MAML2: variants seen among roughly 807,000 people sequenced by gnomAD.
The protein encoded by MAML2 is mastermind-like protein 2.
MAML2 carries 22 observed loss-of-function variants against 96.1 expected under a neutral mutation model. The observed-to-expected ratio is 0.23, with a 90% confidence interval of 0.16 to 0.33. The LOEUF (loss-of-function observed/expected upper bound fraction) is 0.33. Among genes scored for constraint, MAML2 ranks in the 10% least tolerant of loss-of-function variants. The pLI, the probability that MAML2 is intolerant of heterozygous loss-of-function variation, is 1.00. For synonymous variants in MAML2, 561 were observed against 521.3 expected (o/e 1.08, Z -1.04); for missense variants, 1,367 against 1,392.4 (o/e 0.98, Z 0.29).
intron 2 of MAML2, among the ~76,000 whole-genome samples, chr11:96,082,531 TG>T (rs1441088856): frequency 6.6e-6 from 1 of 151,854 alleles, no homozygotes; most frequent in African/African-American, 2.4e-5. Context: ...GATCAGACAG[TG>T]GTAGGGCAAA....
At chr11:96,191,492 A>G (rs1425680071) in intron 1 of MAML2, among the ~76,000 whole-genome samples, 3 of 124,206 alleles carry the variant, frequency 2.4e-5, no homozygotes, top group Non-Finnish European at 5.3e-5. Context: ...AAAAAAAAAA[A>G]GGGCCGGGAG....
At chr11:96,008,649 T>C (rs773445514) in intron 2 of MAML2, among the ~76,000 whole-genome samples, 3 of 152,194 alleles carry the variant, frequency 2.0e-5, no homozygotes, top group Non-Finnish European at 4.4e-5. Flanking sequence ...AAAACAGCCC[T>C]CTTCTCCATA....
At chr11:96,249,466 GT>G (rs1162534285) in intron 1 of MAML2, among the ~76,000 whole-genome samples, 1 of 152,042 alleles carries the variant, frequency 6.6e-6, no homozygotes, top group African/African-American at 2.4e-5. Flanking sequence ...TAATAGGCAT[GT>G]CAAACTAAAA....
chr11:96,212,171 C>A (rs1861983792), intron 1 of MAML2, among the ~76,000 whole-genome samples: 1 of 142,380 alleles, frequency 7.0e-6, no homozygotes, highest in Non-Finnish European at 1.5e-5. Context: ...CTCGTAATCT[C>A]ATTTGTGGAT....
intron 1 of MAML2, among the ~76,000 whole-genome samples, chr11:96,248,483 A>G (rs1648252832): frequency 6.6e-6 from 1 of 152,114 alleles, no homozygotes; most frequent in African/African-American, 2.4e-5. Context: ...TTAATTGGAC[A>G]GGGCTACTTT....
At chr11:96,110,527 A>G (rs4753724) in intron 1 of MAML2, among the ~76,000 whole-genome samples, 105,419 of 152,046 alleles carry the variant, frequency 0.69, 36,847 homozygotes, top group East Asian at 0.95. Context: ...CTTCTGCAGT[A>G]GCTAAACAGG....
At chr11:96,057,773 A>G (rs1216654451) in intron 2 of MAML2, among the ~76,000 whole-genome samples, 1 of 152,224 alleles carries the variant, frequency 6.6e-6, no homozygotes, top group East Asian at 1.9e-4. Context: ...CTTAAAGTGC[A>G]TTTCATACTT....
intron 2 of MAML2, among the ~76,000 whole-genome samples, chr11:96,087,260 C>T (rs1859632220): frequency 2.0e-5 from 3 of 152,208 alleles, no homozygotes; most frequent in Non-Finnish European, 4.4e-5. Flanking sequence ...AATTATGATT[C>T]TTCAATACTA....
intron 2 of MAML2, among the ~76,000 whole-genome samples, chr11:96,075,861 T>A (rs771489273): frequency 3.9e-5 from 6 of 152,218 alleles, no homozygotes; most frequent in African/African-American, 7.2e-5. Context: ...CTCTTACTAA[T>A]CGGCATTCAG....
At chr11:96,178,181 A>G (rs189486343) in intron 1 of MAML2, among the ~76,000 whole-genome samples, 86 of 152,200 alleles carry the variant, frequency 5.7e-4, no homozygotes, top group African/African-American at 2.1e-3. Flanking sequence ...TAGAAAAACA[A>G]TAAAAGACAT....
At chr11:96,095,294 G>T (rs1032195303) in intron 1 of MAML2, among the ~76,000 whole-genome samples, 6 of 152,130 alleles carry the variant, frequency 3.9e-5, no homozygotes, top group African/African-American at 1.4e-4. Context: ...AGCTGAGTGG[G>T]AAAAATCTGC....
intron 1 of MAML2, among the ~76,000 whole-genome samples, chr11:96,213,618 T>G (rs1225517215): frequency 6.6e-6 from 1 of 152,148 alleles, no homozygotes; most frequent in Non-Finnish European, 1.5e-5. Flanking sequence ...TTTTCCTACA[T>G]CATCTTACTA....
At chr11:96,126,619 C>T (rs894405287) in intron 1 of MAML2, among the ~76,000 whole-genome samples, 12 of 152,148 alleles carry the variant, frequency 7.9e-5, no homozygotes, top group Admixed American at 5.2e-4. Flanking sequence ...ATTCTGATGA[C>T]GAGGTGTTAG....
intron 2 of MAML2, among the ~76,000 whole-genome samples, chr11:96,076,432 T>TCACACACACACACA (rs57102762): frequency 9.7e-6 from 1 of 103,044 alleles, no homozygotes; most frequent in African/African-American, 2.9e-5. Context: ...TCTCTCTCTC[T>TCACACACACACACA]CACACACACA....
At chr11:95,996,805 G>A (rs891462495) in intron 2 of MAML2, among the ~76,000 whole-genome samples, 8 of 152,106 alleles carry the variant, frequency 5.3e-5, no homozygotes, top group Non-Finnish European at 8.8e-5. Context: ...CATTGGCTTC[G>A]ATTTTCATAC....
intron 1 of MAML2, among the ~76,000 whole-genome samples, chr11:96,170,609 G>A (rs1418573423): frequency 6.6e-6 from 1 of 152,212 alleles, no homozygotes; most frequent in African/African-American, 2.4e-5. Flanking sequence ...GATGTTTGAT[G>A]CGTGGATTAT....
intron 1 of MAML2, among the ~76,000 whole-genome samples, chr11:96,194,384 T>G (rs1360359502): frequency 6.6e-6 from 1 of 152,174 alleles, no homozygotes; most frequent in Non-Finnish European, 1.5e-5. Flanking sequence ...TCCAGATAAT[T>G]TGGAAAAGGA....
chr11:96,133,022 T>C (rs1171870974), intron 1 of MAML2, among the ~76,000 whole-genome samples: 1 of 152,228 alleles, frequency 6.6e-6, no homozygotes, highest in Non-Finnish European at 1.5e-5. Flanking sequence ...AAGTGTTACA[T>C]CTCATTCAAT....
chr11:96,022,674 T>C (rs1858453776), intron 2 of MAML2, among the ~76,000 whole-genome samples: 1 of 152,252 alleles, frequency 6.6e-6, no homozygotes, highest in African/African-American at 2.4e-5. Flanking sequence ...ACTTTCTGTG[T>C]GACCTTGACA....
Sources: gnomAD v4.1 joint callset for allele counts (sites outside exome capture counted in the v4.1 genomes callset) on GRCh38, gnomAD v4.1.1 for gene constraint, MANE v1.5 for transcripts, NCBI Gene and HGNC (gene_info 2026-07-23, HGNC 2026-07-21) for gene names.